Variants in HS2ST1 observed in about 807,000 individuals in gnomAD.
HS2ST1 encodes 2-O-sulfotransferase.
HS2ST1 carries 18 observed loss-of-function variants against 42.9 expected under a neutral mutation model. That is an observed-to-expected ratio of 0.42 (90% CI 0.29 to 0.62). HS2ST1 has a LOEUF of 0.62. Among genes scored for constraint, HS2ST1 ranks in the 20% least tolerant of loss-of-function variants. The probability of loss-of-function intolerance (pLI) is 0.21; values close to 1 mark genes in which losing one functional copy is unlikely to be tolerated. For missense variants in HS2ST1, 334 were observed against 433.8 expected (o/e 0.77, Z 2.04); for synonymous variants, 146 against 152.9 (o/e 0.95, Z 0.33).
At chr1:87,007,263 CACAT>C (rs1232729722) in intron 1 of HS2ST1, among the ~76,000 whole-genome samples, 1 of 152,058 alleles carries the variant, frequency 6.6e-6, no homozygotes, top group Non-Finnish European at 1.5e-5. Flanking sequence ...CTTTCACACA[CACAT>C]ATTCATATAA....
chr1:86,922,404 C>T (rs1660318702), intron 1 of HS2ST1, among the ~76,000 whole-genome samples: 1 of 131,504 alleles, frequency 7.6e-6, no homozygotes, highest in South Asian at 2.3e-4. Flanking sequence ...TTTACCATTC[C>T]CAGTGTTCTT....
Position 87,092,596 on chromosome 1 carries a change from C to T in HS2ST1, c.515C>T (p.Ser172Phe). 6.3e-7 allele frequency: 1 copy of T among 1,590,230 alleles called. No individual in the cohort carries two copies. ...VIRDPIERLVSYYYFLRFGDD... is the reference protein window; with the variant it reads ...VIRDPIERLVFYYYFLRFGDD... ...AGGGATCCTATTGAGAGGCTAGTTT[C>T]TTATTATTACTTTCTGAGATTTGGA... The change falls in exon 4 of 7, where the codon TCT becomes TTT. Residue 172 changes from serine (S) to phenylalanine (F), a missense_variant. Physicochemically the swap from Ser to Phe is radical, Grantham distance 155 (BLOSUM62 -2). Transcript: ENST00000370550.
chr1:87,008,483 G>C lies in HS2ST1; in HGVS notation c.125-64451G>C, dbSNP rs77791177. Among the ~76,000 whole-genome samples, 1,346 of 152,298 alleles carry C rather than the reference G, an allele frequency of 8.8e-3. 9 individuals carry two copies. The highest frequency in any genetic ancestry group is 0.015 in the Non-Finnish European group (1,025 of 68,014). ...TGAAACATAATTACTGAGCAACAATGACATGAATGTTTTACTTAATTGCAT... is the reference window on the plus strand; with the variant it reads ...TGAAACATAATTACTGAGCAACAATCACATGAATGTTTTACTTAATTGCAT... On this transcript the variant is annotated intron_variant, in intron 1 of 6. Coordinates refer to ENST00000370550, the MANE Select transcript of HS2ST1 (RefSeq NM_012262.4).
At chr1:86,976,922 G>A (rs1178614531) in intron 1 of HS2ST1, among the ~76,000 whole-genome samples, 1 of 151,160 alleles carries the variant, frequency 6.6e-6, no homozygotes, top group Non-Finnish European at 1.5e-5. Flanking sequence ...AATAAAAAAT[G>A]TGCCTTGTAG....
chr1:87,082,022 A>G (rs1192877458), intron 2 of HS2ST1, among the ~76,000 whole-genome samples: 1 of 151,920 alleles, frequency 6.6e-6, no homozygotes, highest in Non-Finnish European at 1.5e-5. Flanking sequence ...TTTTGAAGAG[A>G]TAAACAAAAT....
In HS2ST1 at chr1:87,101,149, G is replaced by GTTTTTTTTTTTTTTTTTTTTTTTTT. The variant is rs1177785858; in HGVS notation, c.687-2277_687-2276insTTTTTTTTTTTTTTTTTTTTTTTTT. ...TCATCACTTTTGTGTGTGTGTGTGT[G>GTTTTTTTTTTTTTTTTTTTTTTTTT]TTTTTTGTTTTTTTTTTTTTTTTTT... On this transcript the variant is annotated intron_variant, in intron 5 of 6. Transcript: ENST00000370550. 2.0e-4 allele frequency among the ~76,000 whole-genome samples: 12 copies of GTTTTTTTTTTTTTTTTTTTTTTTTT among 59,540 alleles called. 5 individuals are homozygous for GTTTTTTTTTTTTTTTTTTTTTTTTT. The highest frequency in any genetic ancestry group is 3.0e-4 in the Non-Finnish European group (10 of 33,766). 39.1% of individuals were successfully genotyped at this position (59,540 alleles called of 152,430 possible).
chr1:86,997,926 G>T (rs1362272192), intron 1 of HS2ST1, among the ~76,000 whole-genome samples: 2 of 152,148 alleles, frequency 1.3e-5, no homozygotes, highest in Non-Finnish European at 2.9e-5. Flanking sequence ...TCAGACTGTG[G>T]TTGACTGTGA....
At chr1:87,021,884 A>C (rs1043847420) in intron 1 of HS2ST1, among the ~76,000 whole-genome samples, 1 of 152,222 alleles carries the variant, frequency 6.6e-6, no homozygotes, top group African/African-American at 2.4e-5. Context: ...ATTTCAACCA[A>C]AAGTTTTGTT....
rs992901469 is a variant in HS2ST1, at chr1:87,101,264, C to T, written c.687-2168C>T. ...CACTGCAACCTCCGCCTCCCGGGCT[C>T]AGGCAATTCTCCTGCCTCAGCCTCC... On this transcript the variant is annotated intron_variant, in intron 5 of 6. Transcript: ENST00000370550. Among the ~76,000 whole-genome samples, 3 of 148,256 alleles carry T rather than the reference C, an allele frequency of 2.0e-5. No individual in the cohort carries two copies. The East Asian group carries it at 6.1e-4, about 30-fold the overall frequency.
chr1:86,990,812 T>TTATATATATATATATA (rs57401994), intron 1 of HS2ST1, among the ~76,000 whole-genome samples: 3 of 10,258 alleles, frequency 2.9e-4, no homozygotes, highest in Non-Finnish European at 4.4e-4. Flanking sequence ...CTGGCTAATT[T>TTATATATATATATATA]TATATATATA....
At chr1:87,062,867 C>T (rs1333585016) in intron 1 of HS2ST1, among the ~76,000 whole-genome samples, 3 of 152,094 alleles carry the variant, frequency 2.0e-5, no homozygotes, top group South Asian at 2.1e-4. Context: ...CTCCATGGTT[C>T]GTGATAAGAA....
chr1:87,072,893 G>C, intron 1 of HS2ST1, 41 bp from the exon 2 acceptor site: 1 of 1,382,538 alleles, frequency 7.2e-7, no homozygotes, highest in South Asian at 1.2e-5. Flanking sequence ...CTTCCTTATA[G>C]TGTCCTTAAA....
At chr1:86,956,998 G>A (rs909032421) in intron 1 of HS2ST1, among the ~76,000 whole-genome samples, 1 of 152,086 alleles carries the variant, frequency 6.6e-6, no homozygotes, top group Non-Finnish European at 1.5e-5. Context: ...AATTCCAGAT[G>A]GTAATGCCAT....
At chr1:87,093,099 A>G (rs570976841) in intron 4 of HS2ST1, among the ~76,000 whole-genome samples, 184 of 152,166 alleles carry the variant, frequency 1.2e-3, no homozygotes, top group African/African-American at 4.2e-3. Flanking sequence ...CAAAGTTCTT[A>G]ACAGGCTCAA....
At chr1:86,963,648 C>A (rs557643270) in intron 1 of HS2ST1, among the ~76,000 whole-genome samples, 2 of 151,006 alleles carry the variant, frequency 1.3e-5, no homozygotes, top group Non-Finnish European at 3.0e-5. Flanking sequence ...TCATCATGGC[C>A]CGTTCTCAGT....
intron 1 of HS2ST1, among the ~76,000 whole-genome samples, chr1:87,021,273 G>T (rs959650832): frequency 1.3e-5 from 2 of 152,134 alleles, no homozygotes; most frequent in African/African-American, 4.8e-5. Flanking sequence ...GAATTTGTAA[G>T]AAGTACGCAG....
chr1:87,065,954 T>C (rs1651238890), intron 1 of HS2ST1, among the ~76,000 whole-genome samples: 1 of 152,214 alleles, frequency 6.6e-6, no homozygotes, highest in Non-Finnish European at 1.5e-5. Context: ...TTTATTGCTC[T>C]TTCTCTTTGC....
intron 1 of HS2ST1, among the ~76,000 whole-genome samples, chr1:86,921,806 A>G (rs1474898053): frequency 1.3e-5 from 2 of 152,236 alleles, no homozygotes; most frequent in Admixed American, 1.3e-4. Flanking sequence ...ACAATGGACT[A>G]TGATACTTAC....
At position 87,046,233 on chromosome 1, in the gene HS2ST1, A is replaced by G. The variant is rs567542585; in HGVS notation, c.125-26701A>G. ...TGCTGGGTATCTTGGACAAGTAACT[A>G]CTATCAAAGAGGGTGTGACCAAGTG... On this transcript the variant is annotated intron_variant, in intron 1 of 6. Coordinates refer to ENST00000370550, the MANE Select transcript of HS2ST1 (RefSeq NM_012262.4). 8.4e-5 allele frequency: 71 copies of G among 845,078 alleles called. No homozygotes were observed. The East Asian group carries it at 1.9e-3, about 23-fold the overall frequency. 52.3% of individuals were successfully genotyped at this position (845,078 alleles called of 1,614,324 possible).
Sources: allele counts gnomAD v4.1 joint callset (sites outside exome capture counted in the v4.1 genomes callset), GRCh38; gene constraint gnomAD v4.1.1; transcripts MANE v1.5; gene names NCBI Gene and HGNC (gene_info 2026-07-23, HGNC 2026-07-21).